The following USP47 variants were observed in gnomAD, a reference collection of about 807,000 sequenced individuals.
USP47 encodes ubiquitin specific peptidase 47, also known as ubiquitin carboxyl-terminal hydrolase 47.
Under a neutral mutation model 165.1 loss-of-function variants are expected in USP47, and 35 were observed. That is an observed-to-expected ratio of 0.21 (90% CI 0.16 to 0.28). The LOEUF is 0.28. Ranked by LOEUF, USP47 falls within the 10% of genes least tolerant of loss-of-function variation. The pLI is 1.00. For synonymous variants in USP47, 531 were observed against 544.5 expected (o/e 0.98, Z 0.35); for missense variants, 1,277 against 1,607.4 (o/e 0.79, Z 3.52).
At chr11:11,929,591 TA>T in intron 12 of USP47, 26 bp downstream of exon 12, 1 of 1,606,870 alleles carries the variant, frequency 6.2e-7, no homozygotes, top group African/African-American at 1.3e-5. Context: ...TTAAGATTAT[TA>T]CTCTGAAAGG....
intron 1 of USP47, among the ~76,000 whole-genome samples, chr11:11,851,523 C>T (rs767653960): frequency 3.9e-5 from 6 of 152,074 alleles, no homozygotes; most frequent in African/African-American, 1.4e-4. Flanking sequence ...ACAAAGTTTC[C>T]GTATACCCTT....
At chr11:11,930,777 T>C in intron 14 of USP47, 26 bp downstream of exon 14, 1 of 1,581,710 alleles carries the variant, frequency 6.3e-7, no homozygotes, top group Non-Finnish European at 8.6e-7. Context: ...GTTATTTGAT[T>C]TTAATTTGTG....
At chr11:11,928,613 CCTT>C (rs1854426415) in intron 11 of USP47, among the ~76,000 whole-genome samples, 1 of 152,000 alleles carries the variant, frequency 6.6e-6, no homozygotes, top group Non-Finnish European at 1.5e-5. Context: ...TTTTTAACCT[CCTT>C]CTCTGTTTCT....
chr11:11,906,107 A>G (rs1178603751), intron 8 of USP47, among the ~76,000 whole-genome samples: 2 of 152,124 alleles, frequency 1.3e-5, no homozygotes, highest in African/African-American at 4.8e-5. Context: ...ATCTGATTGG[A>G]GGATTAGCTA....
chr11:11,850,476 GT>G (rs11291092), intron 1 of USP47, among the ~76,000 whole-genome samples: 91,084 of 132,788 alleles, frequency 0.69, 30,612 homozygotes, highest in East Asian at 0.75. Context: ...AATATTGGTA[GT>G]TTTTTTTTTT....
chr11:11,941,353 C>A (rs1159263893), intron 19 of USP47, among the ~76,000 whole-genome samples: 1 of 151,704 alleles, frequency 6.6e-6, no homozygotes, highest in African/African-American at 2.4e-5. Flanking sequence ...TTTTCTTTTT[C>A]CTTAAACGGT....
At chr11:11,845,737 C>T (rs1848391388) in intron 1 of USP47, among the ~76,000 whole-genome samples, 1 of 152,174 alleles carries the variant, frequency 6.6e-6, no homozygotes, top group Admixed American at 6.5e-5. Flanking sequence ...AGGTTTTCCA[C>T]AGCATCATTG....
chr11:11,849,661 T>C (rs1053835071), intron 1 of USP47, among the ~76,000 whole-genome samples: 2 of 152,236 alleles, frequency 1.3e-5, no homozygotes, highest in Non-Finnish European at 2.9e-5. Flanking sequence ...GCTAGAACTT[T>C]TGTGCAGCTG....
chr11:11,896,243 C>T (rs960241107), intron 4 of USP47, among the ~76,000 whole-genome samples: 1 of 152,080 alleles, frequency 6.6e-6, no homozygotes, highest in Non-Finnish European at 1.5e-5. Context: ...AAGCCTACCC[C>T]GAAAACATTT....
chr11:11,855,938 A>C (rs1849014037), intron 1 of USP47, among the ~76,000 whole-genome samples: 1 of 152,202 alleles, frequency 6.6e-6, no homozygotes, highest in South Asian at 2.1e-4. Context: ...TATAATGTGG[A>C]AATAAAGTGG....
In USP47 at chr11:11,957,466, C is replaced by G. The variant is rs1323425007; in HGVS notation, c.*1291C>G. Reference sequence around the variant, plus strand: ...AAGGTTTTGGTAAAACTTTTTCATGCCAGATGCTGTTTACAACAATGAACA... The same window carrying G: ...AAGGTTTTGGTAAAACTTTTTCATGGCAGATGCTGTTTACAACAATGAACA... On this transcript the variant is annotated 3_prime_UTR_variant, in exon 28 of 28. Coordinates refer to ENST00000527733, the MANE Select transcript of USP47 (RefSeq NM_001282659.2). 6.6e-6 allele frequency: 1 copy of G among 152,522 alleles called. No individual in the cohort carries two copies. The highest frequency in any genetic ancestry group is 1.5e-5 in the Non-Finnish European group (1 of 68,006). 9.4% of individuals were successfully genotyped at this position (152,522 alleles called of 1,614,324 possible).
chr11:11,934,056 A>G (rs1854878550), intron 16 of USP47, 121 bp downstream of exon 16: 1 of 701,370 alleles, frequency 1.4e-6, no homozygotes, highest in Non-Finnish European at 2.4e-6. Context: ...TAACTGGTTA[A>G]TTTATCTCTT....
intron 21 of USP47, 72 bp downstream of exon 21, chr11:11,948,192 TC>T: frequency 1.3e-6 from 2 of 1,491,574 alleles, no homozygotes; most frequent in Middle Eastern, 1.8e-4. Flanking sequence ...TTTTACTACT[TC>T]CAAGTGAGGT....
At position 11,860,103 on chromosome 11, in the gene USP47, A is replaced by AG. The variant is rs528162127; in HGVS notation, c.39+17880dup. 6.0e-5 allele frequency among the ~76,000 whole-genome samples: 9 copies of AG among 150,380 alleles called. No individual in the cohort carries two copies. In the South Asian group the frequency reaches 1.7e-3, roughly 28 times the overall value. ...TGGGCAACAGAAGGAAAAAAAAAAA[A>AG]GAAAAACTGAGTGGAGGATATATTT... On this transcript the variant is annotated intron_variant, in intron 1 of 27. Transcript: ENST00000527733.
intron 4 of USP47, among the ~76,000 whole-genome samples, 187 bp downstream of exon 4, chr11:11,892,293 A>C (rs1334188276): frequency 6.6e-6 from 1 of 151,834 alleles, no homozygotes; most frequent in African/African-American, 2.4e-5. Flanking sequence ...CGTTTCTACT[A>C]TATTGCTGCT....
chr11:11,859,480 A>G (rs1031808410), intron 1 of USP47, among the ~76,000 whole-genome samples: 2 of 152,156 alleles, frequency 1.3e-5, no homozygotes, highest in Non-Finnish European at 2.9e-5. Context: ...CGCATAAGGT[A>G]TAAGGTTTGT....
chr11:11,954,162 ACTGCTTGAACCCAGGAGG>A (rs1345682330), intron 25 of USP47, among the ~76,000 whole-genome samples: 5 of 152,110 alleles, frequency 3.3e-5, no homozygotes, highest in Admixed American at 3.3e-4. Context: ...AAGCTGGAGA[ACTGCTTGAACCCAGGAGG>A]TGGAGGTTGC....
chr11:11,889,128 T>G (rs1166579170), intron 3 of USP47, among the ~76,000 whole-genome samples: 1 of 152,166 alleles, frequency 6.6e-6, no homozygotes, highest in Non-Finnish European at 1.5e-5. Context: ...GCATTCCCCT[T>G]GAAAACTGGC....
chr11:11,953,706 TAAGA>T (rs1661504190), intron 25 of USP47, among the ~76,000 whole-genome samples: 2 of 152,142 alleles, frequency 1.3e-5, no homozygotes, highest in South Asian at 4.1e-4. Flanking sequence ...AATCTAATTT[TAAGA>T]AAGACAGCAT....
Sources: allele counts gnomAD v4.1 joint callset (sites outside exome capture counted in the v4.1 genomes callset), GRCh38; gene constraint gnomAD v4.1.1; transcripts MANE v1.5; gene names NCBI Gene and HGNC (gene_info 2026-07-23, HGNC 2026-07-21).